Variants in SLC20A1 observed in about 807,000 individuals in gnomAD.
SLC20A1 encodes solute carrier family 20 member 1, also known as sodium-dependent phosphate transporter 1.
SLC20A1 carries 28 observed loss-of-function variants against 62.7 expected under a neutral mutation model. The observed-to-expected ratio is 0.45, with a 90% CI of 0.33 to 0.61. SLC20A1 has a LOEUF of 0.61. SLC20A1 is among the 20% of genes least tolerant of loss of function. SLC20A1 has a pLI of 0.02. For missense variants in SLC20A1, 673 were observed against 838.6 expected (o/e 0.80, Z 2.44); for synonymous variants, 305 against 302.9 (o/e 1.01, Z -0.07).
Position 112,646,731 on chromosome 2 carries a change from A to G in SLC20A1, c.-98A>G, listed in dbSNP as rs983165451. 4 of 554,980 alleles carry G rather than the reference A, an allele frequency of 7.2e-6. No individual in the cohort carries two copies. Among genetic ancestry groups the G allele is most frequent in the Non-Finnish European group, 1.2e-5 (4 of 343,566 alleles). The allele number at this position is 554,980 out of a possible 1,614,324, so 34.4% of individuals were successfully genotyped here. On this transcript the variant is annotated 5_prime_UTR_variant, in exon 2 of 11. The change creates a new upstream start codon in the 5' untranslated region. Coordinates refer to ENST00000272542, the MANE Select transcript of SLC20A1 (RefSeq NM_005415.5). ...TACAGTATTTAATTTTATATAATAT[A>G]TATTATTTATTATAGCATTTTTGAT...
rs1686314631 is a variant in SLC20A1 at position 112,647,484 on chromosome 2, G to A, written c.475+20G>A. 6.2e-7 allele frequency: 1 copy of A among 1,605,012 alleles called. No individual in the cohort carries two copies. Among genetic ancestry groups the A allele is most frequent in the South Asian group, 1.1e-5 (1 of 89,446 alleles). Reference sequence around the variant, plus strand: ...AAATTGGTATGTTTAATTCCAAACGGCTTCTTAATTTTCGTTTTCGTCATA... The same window carrying A: ...AAATTGGTATGTTTAATTCCAAACGACTTCTTAATTTTCGTTTTCGTCATA... On this transcript the variant is annotated intron_variant, in intron 3 of 10. Coordinates refer to ENST00000272542, the MANE Select transcript of SLC20A1 (RefSeq NM_005415.5).
At position 112,661,127 on chromosome 2, in the gene SLC20A1, CT is replaced by C. The variant is rs2104651369; in HGVS notation, c.1794-11del. ...TCAAACTCACTTCCTGACAAGAATC[CT>C]TTTGTGTCTGTAGTGGCTTCAGTAT... is the stretch of plus-strand genomic sequence containing the variant. On this transcript the variant is annotated splice_polypyrimidine_tract_variant and intron_variant, in intron 9 of 10. Coordinates refer to ENST00000272542, the MANE Select transcript of SLC20A1 (RefSeq NM_005415.5). 2 of 1,609,754 alleles carry C rather than the reference CT, an allele frequency of 1.2e-6. No individual in the cohort carries two copies. Among genetic ancestry groups the C allele is most frequent in the East Asian group, 4.5e-5 (2 of 44,844 alleles).
chr2:112,661,249 T>C (rs762238639), intron 10 of SLC20A1, 23 bp downstream of exon 10: 2 of 1,545,848 alleles, frequency 1.3e-6, no homozygotes, highest in East Asian at 4.5e-5. Context: ...CCAATGTGTG[T>C]CTTTCAAATG....
At chr2:112,653,096 G>A (rs749509252) in intron 5 of SLC20A1, 28 of 511,266 alleles carry the variant, frequency 5.5e-5, no homozygotes, top group African/African-American at 4.1e-4. Context: ...AAAAATGCTG[G>A]AATTAATACT....
intron 4 of SLC20A1, among the ~76,000 whole-genome samples, chr2:112,650,094 C>T (rs1055206975): frequency 1.4e-4 from 22 of 152,116 alleles, no homozygotes; most frequent in Non-Finnish European, 1.5e-5. Context: ...TACCCCATCC[C>T]CAACAACTTT....
chr2:112,648,039 T>C (rs1686333259), intron 4 of SLC20A1, among the ~76,000 whole-genome samples: 1 of 152,210 alleles, frequency 6.6e-6, no homozygotes, highest in Admixed American at 6.5e-5. Context: ...GTATACACAT[T>C]ATTTGTTTAA....
chr2:112,657,897 G>C (rs1686636281), intron 6 of SLC20A1, among the ~76,000 whole-genome samples: 1 of 152,184 alleles, frequency 6.6e-6, no homozygotes, highest in Admixed American at 6.5e-5. Context: ...AGTAAATTTT[G>C]GTTAGTATCG....
intron 4 of SLC20A1, among the ~76,000 whole-genome samples, chr2:112,651,607 C>T (rs1574181998): frequency 6.6e-6 from 1 of 152,094 alleles, no homozygotes; most frequent in South Asian, 2.1e-4. Context: ...AGGGTTTCAC[C>T]GTATTACCCA....
chr2:112,660,737 A>G, intron 9 of SLC20A1, 165 bp downstream of exon 9: 1 of 654,982 alleles, frequency 1.5e-6, no homozygotes, highest in Non-Finnish European at 2.5e-6. Flanking sequence ...GCCCTTAAAC[A>G]TTTTGGTCAG....
chr2:112,661,873 G>A (rs1296411622), intron 10 of SLC20A1, among the ~76,000 whole-genome samples: 1 of 152,098 alleles, frequency 6.6e-6, no homozygotes, highest in African/African-American at 2.4e-5. Context: ...CTTTGCCTTT[G>A]GGGAAGCCAT....
At chr2:112,660,596 C>T in intron 9 of SLC20A1, 24 bp downstream of exon 9, 1 of 1,599,726 alleles carries the variant, frequency 6.3e-7, no homozygotes, top group Non-Finnish European at 8.5e-7. Flanking sequence ...GCAGGTTCTA[C>T]AAATGTCAGT....
chr2:112,649,144 AG>A (rs998559995), intron 4 of SLC20A1, among the ~76,000 whole-genome samples: 2 of 152,232 alleles, frequency 1.3e-5, no homozygotes, highest in Non-Finnish European at 2.9e-5. Context: ...AGGTGCAAAG[AG>A]GGATTCTCAG....
Position 112,663,334 on chromosome 2 carries a change from G to T in SLC20A1, c.*309G>T. ...TTCAATTCCATTATGTTTTAATGTT[G>T]TCTCTGAAGATGACTTGTGATTTTT... is the stretch of plus-strand genomic sequence containing the variant. On this transcript the variant is annotated 3_prime_UTR_variant, in exon 11 of 11. Coordinates refer to ENST00000272542, the MANE Select transcript of SLC20A1 (RefSeq NM_005415.5). 1 of 388,316 alleles carries T rather than the reference G, an allele frequency of 2.6e-6. No individual in the cohort carries two copies. The highest frequency in any genetic ancestry group is 5.0e-6 in the Non-Finnish European group (1 of 199,590). The allele number at this position is 388,316 out of a possible 1,614,324, so 24.1% of individuals were successfully genotyped here.
chr2:112,660,440 T>G lies in SLC20A1; in HGVS notation c.1661T>G (p.Val554Gly). 6.2e-6 allele frequency: 10 copies of G among 1,614,168 alleles called. No homozygotes were observed. The highest frequency in any genetic ancestry group is 7.6e-6 in the Non-Finnish European group (9 of 1,180,020). The part of the protein sequence containing the change: ...ALYLVYDTGD[V>G]SSKVATPIWL... Reference sequence around the variant, plus strand: ...TATTTGGTTTATGACACAGGAGATGTTTCTTCAAAAGTGGCAACACCAATA... The same window carrying G: ...TATTTGGTTTATGACACAGGAGATGGTTCTTCAAAAGTGGCAACACCAATA... Residue 554 changes from valine to glycine, a missense_variant, in exon 9 of 11, where the codon GTT becomes GGT. Physicochemically the swap from Val to Gly is moderately radical, Grantham distance 109 (BLOSUM62 -3). Transcript: ENST00000272542.
chr2:112,658,983 G>T lies in SLC20A1; in HGVS notation c.937G>T (p.Glu313Ter). 1 of 1,614,216 alleles carries T rather than the reference G, an allele frequency of 6.2e-7. No homozygotes were observed. Among genetic ancestry groups the T allele is most frequent in the South Asian group, 1.1e-5 (1 of 91,084 alleles). The change falls in exon 7 of 11, where the codon GAG becomes TAG. Residue 313 changes from glutamate (E) to a stop codon, truncating the protein, a stop_gained. Coordinates refer to ENST00000272542, the MANE Select transcript of SLC20A1 (RefSeq NM_005415.5). LOFTEE classifies it high-confidence loss of function. ...PATVPLQAVV[E>*]ERTVSFKLGD... ...CACTGTGCCCCTCCAGGCTGTGGTGGAGGAGAGAACAGTCTCATTCAAACT... is the reference window on the plus strand; with the variant it reads ...CACTGTGCCCCTCCAGGCTGTGGTGTAGGAGAGAACAGTCTCATTCAAACT...
Position 112,659,058 on chromosome 2 carries a change from T to C in SLC20A1, c.1012T>C (p.Leu338=), listed in dbSNP as rs543798918. 2.5e-6 allele frequency: 4 copies of C among 1,613,992 alleles called. No individual in the cohort carries two copies. Among genetic ancestry groups the C allele is most frequent in the Non-Finnish European group, 3.4e-6 (4 of 1,180,030 alleles). The change falls in exon 7 of 11, where the codon TTG becomes CTG. Residue 338 remains leucine (L), a synonymous_variant. Transcript: ENST00000272542. ...GAGAGAGAGGCTTCCCAGCGTGGAC[T>C]TGAAAGAGGAAACCAGCATAGATAG... ...PERERLPSVD[L]KEETSIDSTV...
intron 6 of SLC20A1, 69 bp downstream of exon 6, chr2:112,657,310 G>A (rs1686618726): frequency 1.1e-5 from 17 of 1,479,690 alleles, no homozygotes; most frequent in Non-Finnish European, 1.6e-5. Context: ...TTGGCCACCT[G>A]TAAAAATCTA....
At chr2:112,661,712 C>G (rs1281467307) in intron 10 of SLC20A1, among the ~76,000 whole-genome samples, 1 of 152,148 alleles carries the variant, frequency 6.6e-6, no homozygotes, top group Middle Eastern at 3.2e-3. Flanking sequence ...CCATGCCTGG[C>G]TAATTTTTGT....
In SLC20A1 at chr2:112,663,430, T is replaced by A. The variant is rs973808003; in HGVS notation, c.*405T>A. On this transcript the variant is annotated 3_prime_UTR_variant, in exon 11 of 11. Coordinates refer to ENST00000272542, the MANE Select transcript of SLC20A1 (RefSeq NM_005415.5). ...CTGCGTTGTTGGTTTCACCAGCTTC[T>A]GCCCTCACATGCACAGGGATTTAAC... 3.0e-6 allele frequency: 1 copy of A among 335,260 alleles called. No individual in the cohort carries two copies. Among genetic ancestry groups the A allele is most frequent in the Non-Finnish European group, 5.7e-6 (1 of 175,162 alleles). The allele number at this position is 335,260 out of a possible 1,614,324, so 20.8% of individuals were successfully genotyped here.
Sources: allele counts gnomAD v4.1 joint callset (sites outside exome capture counted in the v4.1 genomes callset), GRCh38; gene constraint gnomAD v4.1.1; transcripts MANE v1.5; gene names NCBI Gene and HGNC (gene_info 2026-07-23, HGNC 2026-07-21).